The following COL24A1 variants were observed in gnomAD, a reference collection of about 807,000 sequenced individuals.
COL24A1 encodes collagen alpha-1(XXIV) chain.
In COL24A1, 224 loss-of-function variants were observed where a neutral mutation model predicts 253.9. The ratio of observed to expected loss-of-function variants is 0.88; its 90% CI spans 0.79 to 0.99. COL24A1 has a LOEUF of 0.99. Ranked by LOEUF, COL24A1 falls within the 50% of genes least tolerant of loss-of-function variation. The pLI is 0.00. For missense variants in COL24A1, 2,131 were observed against 2,068.5 expected, an observed-to-expected ratio of 1.03 and a Z score of -0.59; for synonymous variants, 685 against 673.7, an observed-to-expected ratio of 1.02 and a Z score of -0.26.
At chr1:85,796,318 T>C (rs1670802804) in intron 47 of COL24A1, among the ~76,000 whole-genome samples, 1 of 152,128 alleles carries the variant, frequency 6.6e-6, no homozygotes, top group South Asian at 2.1e-4. Context: ...GTTTTATCAA[T>C]CCTAAAAAAT....
chr1:85,828,893 T>A (rs1442590807), intron 43 of COL24A1, among the ~76,000 whole-genome samples: 1 of 149,180 alleles, frequency 6.7e-6, no homozygotes, highest in Non-Finnish European at 1.5e-5. Context: ...CCAGTCTGTG[T>A]CTTTTAATTG....
intron 37 of COL24A1, among the ~76,000 whole-genome samples, chr1:85,859,104 A>T (rs889401174): frequency 2.0e-5 from 3 of 152,152 alleles, no homozygotes; most frequent in African/African-American, 7.2e-5. Context: ...TTCCCACATT[A>T]GAATACAAAT....
chr1:86,132,373 G>C (rs1013338324), intron 2 of COL24A1, among the ~76,000 whole-genome samples: 1 of 152,146 alleles, frequency 6.6e-6, no homozygotes, highest in Non-Finnish European at 1.5e-5. Flanking sequence ...AGTGTAGTTA[G>C]ATCCCATTTG....
At chr1:85,940,102 A>T (rs763176906) in intron 24 of COL24A1, among the ~76,000 whole-genome samples, 3 of 151,520 alleles carry the variant, frequency 2.0e-5, no homozygotes, top group Non-Finnish European at 4.4e-5. Flanking sequence ...ATTCATTAAC[A>T]CTTTTAAAAA....
chr1:85,761,245 G>A (rs549287753), intron 55 of COL24A1, 151 bp downstream of exon 55: 10 of 751,748 alleles, frequency 1.3e-5, no homozygotes, highest in Admixed American at 5.8e-5. Context: ...TCATGTTTGT[G>A]TAGCTGGGCC....
At chr1:86,133,087 T>C (rs1331046247) in intron 2 of COL24A1, among the ~76,000 whole-genome samples, 1 of 152,206 alleles carries the variant, frequency 6.6e-6, no homozygotes, top group African/African-American at 2.4e-5. Flanking sequence ...GTAAGCTGGA[T>C]TCCTAGGTAT....
At position 86,149,695 on chromosome 1, in the gene COL24A1, T is replaced by A. The variant is rs113113910; in HGVS notation, c.57-3512A>T. 6.2e-3 allele frequency among the ~76,000 whole-genome samples: 951 copies of A among 152,180 alleles called. 12 individuals are homozygous for A. The highest frequency in any genetic ancestry group is 0.012 in the Admixed American group (190 of 15,286). On this transcript the variant is annotated intron_variant, in intron 1 of 59. Transcript: ENST00000370571. ...TAGCAATTCAACAAACTCATAAACT[T>A]CCCCAATGACCTCAGTGGAGAAAAA...
At chr1:86,068,326 G>A (rs1213580044) in intron 7 of COL24A1, among the ~76,000 whole-genome samples, 1 of 152,216 alleles carries the variant, frequency 6.6e-6, no homozygotes, top group Non-Finnish European at 1.5e-5. Context: ...CAGCCCTGCA[G>A]TGTGGAGAGA....
chr1:85,919,040 C>T (rs1384832796), intron 24 of COL24A1, among the ~76,000 whole-genome samples: 1 of 151,282 alleles, frequency 6.6e-6, no homozygotes, highest in Non-Finnish European at 1.5e-5. Context: ...ATATGTACCA[C>T]TTTTTTTTTA....
intron 47 of COL24A1, among the ~76,000 whole-genome samples, chr1:85,802,980 G>T (rs1671593237): frequency 6.6e-6 from 1 of 152,026 alleles, no homozygotes; most frequent in Non-Finnish European, 1.5e-5. Flanking sequence ...ATGGACATTT[G>T]GTTCATTCCT....
chr1:85,998,001 C>T (rs1695021636), intron 19 of COL24A1, among the ~76,000 whole-genome samples: 1 of 152,124 alleles, frequency 6.6e-6, no homozygotes, highest in South Asian at 2.1e-4. Flanking sequence ...TTATATTCAT[C>T]AAGTTCCTGT....
At chr1:86,147,223 A>C (rs1652009856) in intron 1 of COL24A1, among the ~76,000 whole-genome samples, 1 of 152,178 alleles carries the variant, frequency 6.6e-6, no homozygotes, top group East Asian at 1.9e-4. Context: ...TTTACCAACT[A>C]GTATAAGGAG....
chr1:86,065,110 TG>T (rs1207202680), intron 7 of COL24A1, among the ~76,000 whole-genome samples: 1 of 152,192 alleles, frequency 6.6e-6, no homozygotes, highest in African/African-American at 2.4e-5. Flanking sequence ...GGGTGTGAGC[TG>T]GAAGTTTCCT....
At position 86,142,986 on chromosome 1, in the gene COL24A1, T is replaced by C. The variant is rs79605169; in HGVS notation, c.121+3133A>G. 4.7e-3 allele frequency among the ~76,000 whole-genome samples: 712 copies of C among 152,142 alleles called. 11 individuals carry two copies. In the East Asian group the frequency reaches 0.049, roughly 11 times the overall value. On this transcript the variant is annotated intron_variant, in intron 2 of 59. Coordinates refer to ENST00000370571, the MANE Select transcript of COL24A1 (RefSeq NM_152890.7). ...AGATTTAAAAAGTCTGCAAGCCAGA[T>C]AAAAAAAGGCAAAAGATGAAAATAT...
chr1:85,860,110 CACA>C (rs1678968422), intron 37 of COL24A1, among the ~76,000 whole-genome samples: 2 of 152,114 alleles, frequency 1.3e-5, no homozygotes, highest in Admixed American at 6.6e-5. Flanking sequence ...TCAGAAGTAT[CACA>C]TCATATCTAT....
At position 86,125,431 on chromosome 1, in the gene COL24A1, T is replaced by C. The variant is rs781680941; in HGVS notation, c.905A>G (p.Tyr302Cys). 9 of 1,613,634 alleles carry C rather than the reference T, an allele frequency of 5.6e-6. No homozygotes were observed. The highest frequency in any genetic ancestry group is 1.7e-4 in the Middle Eastern group (1 of 6,054). The change falls in exon 3 of 60, where the codon TAT becomes TGT. Residue 302 changes from tyrosine to cysteine, a missense_variant. Tyr to Cys is a radical substitution (Grantham distance 194). Coordinates refer to ENST00000370571, the MANE Select transcript of COL24A1 (RefSeq NM_152890.7). The stretch of plus-strand genomic sequence containing the variant: ...TGATATCTGGTGTTCTTGTCTTTTA[T>C]ACACGGTTTCAGAATCATTTTTTAT... ...NIIKNDSETV[Y>C]KRQEHQISRS...
At chr1:85,917,279 C>T (rs979909270) in intron 24 of COL24A1, among the ~76,000 whole-genome samples, 8 of 152,184 alleles carry the variant, frequency 5.3e-5, no homozygotes, top group Non-Finnish European at 1.0e-4. Flanking sequence ...GAATTATACA[C>T]ACAACTTTAG....
At position 85,847,668 on chromosome 1, in the gene COL24A1, A is replaced by G; in HGVS notation, c.3459T>C (p.Ala1153=). The change falls in exon 39 of 60, where the codon GCT becomes GCC. Residue 1153 remains alanine, a synonymous_variant. Transcript: ENST00000370571. ...TGGAAGCAAGTCAAATACTGACCAC[A>G]GCACCTCTAGTTCCTCTGGCACCCT... ...GPKGARGTRG[A]VGHLGLMGPD... is the part of the protein sequence containing the mutation. 1 of 1,612,306 alleles carries G rather than the reference A, an allele frequency of 6.2e-7. No individual in the cohort carries two copies. Among genetic ancestry groups the G allele is most frequent in the Non-Finnish European group, 8.5e-7 (1 of 1,178,626 alleles).
chr1:85,913,985 G>C (rs1685616711), intron 24 of COL24A1, among the ~76,000 whole-genome samples: 1 of 152,204 alleles, frequency 6.6e-6, no homozygotes, highest in African/African-American at 2.4e-5. Context: ...AGTAGATTCA[G>C]TATCTAGTGA....
Sources: gnomAD v4.1 joint callset for allele counts (sites outside exome capture counted in the v4.1 genomes callset) on GRCh38, gnomAD v4.1.1 for gene constraint, MANE v1.5 for transcripts, NCBI Gene and HGNC (gene_info 2026-07-23, HGNC 2026-07-21) for gene names.